The following CAST variants were observed in gnomAD, a reference collection of about 807,000 sequenced individuals.
The protein encoded by CAST is calpastatin.
In CAST, 76 loss-of-function variants were observed where a neutral mutation model predicts 119.6. That is an observed-to-expected ratio of 0.64 (90% CI 0.53 to 0.77). The LOEUF is 0.77. Ranked by LOEUF, CAST falls within the 30% of genes least tolerant of loss-of-function variation. The pLI, the probability that CAST is intolerant of heterozygous loss-of-function variation, is 0.00. For missense variants in CAST, 953 were observed against 946.5 expected (o/e 1.01, Z -0.09); for synonymous variants, 319 against 331.6 (o/e 0.96, Z 0.41).
At chr5:96,689,744 C>T (rs978776273) in intron 2 of CAST, among the ~76,000 whole-genome samples, 3 of 152,062 alleles carry the variant, frequency 2.0e-5, no homozygotes, top group African/African-American at 4.8e-5. Flanking sequence ...AACTAGTATC[C>T]GATACTCATC....
rs1389162563 is a variant in CAST, at chr5:96,765,941, A to G, written c.2038-112A>G. 4.5e-6 allele frequency: 3 copies of G among 662,610 alleles called. No homozygotes were observed. In the African/African-American group the frequency reaches 5.4e-5, roughly 12 times the overall value. The allele number at this position is 662,610 out of a possible 1,614,324, so 41.0% of individuals were successfully genotyped here. A position where few individuals can be genotyped will look rare whatever the true frequency, so the allele number is the denominator to read the frequency against. The stretch of plus-strand genomic sequence containing the variant: ...GTTGCTTAAAAAATAAAAACAGACC[A>G]TATGTTTTGCCTCATGAAAGTACAA... On this transcript the variant is annotated intron_variant, in intron 26 of 31. Transcript: ENST00000675179.
intron 1 of CAST, among the ~76,000 whole-genome samples, chr5:96,553,331 T>A: frequency 6.6e-6 from 1 of 152,224 alleles, no homozygotes; most frequent in East Asian, 1.9e-4. Context: ...TCTCAATAGA[T>A]GCAGAAAAGG....
chr5:96,152,613 A>G, the CAST span, among the ~76,000 whole-genome samples: 4 of 152,202 alleles, frequency 2.6e-5, no homozygotes, highest in African/African-American at 9.7e-5. Context: ...GAGAGAGGAA[A>G]AATGTGCTTC....
intron 1 of CAST, among the ~76,000 whole-genome samples, chr5:96,588,119 A>G (rs9632443): frequency 0.33 from 50,257 of 150,768 alleles, 8,670 homozygotes; most frequent in East Asian, 0.6. Flanking sequence ...TTTTTTTCAT[A>G]AACAAAACTG....
chr5:96,722,119 T>C (rs1758385235), intron 3 of CAST, among the ~76,000 whole-genome samples: 1 of 152,192 alleles, frequency 6.6e-6, no homozygotes, highest in South Asian at 2.1e-4. Context: ...TGCCACACTA[T>C]CTCAAATACG....
chr5:96,760,415 A>G (rs1767525070), intron 24 of CAST, among the ~76,000 whole-genome samples: 1 of 151,954 alleles, frequency 6.6e-6, no homozygotes, highest in Non-Finnish European at 1.5e-5. Context: ...GCAATCCCCT[A>G]ATCTGTTAAA....
chr5:96,415,594 A>G, the CAST span, among the ~76,000 whole-genome samples: 1 of 152,200 alleles, frequency 6.6e-6, no homozygotes, highest in Non-Finnish European at 1.5e-5. Context: ...AAATTTGGCT[A>G]TTTAATATAA....
chr5:96,663,096 G>A (rs1748791666), intron 1 of CAST: 1 of 702,194 alleles, frequency 1.4e-6, no homozygotes, highest in Non-Finnish European at 2.6e-6. Flanking sequence ...CGCCCTCGCC[G>A]GCTCCCCCGC....
chr5:95,979,786 T>C, the CAST span, among the ~76,000 whole-genome samples: 2 of 152,182 alleles, frequency 1.3e-5, no homozygotes, highest in African/African-American at 4.8e-5. Flanking sequence ...CCCATGTTTT[T>C]TCTATATTTA....
chr5:96,509,135 A>G, the CAST span, among the ~76,000 whole-genome samples: 1 of 152,252 alleles, frequency 6.6e-6, no homozygotes, highest in Non-Finnish European at 1.5e-5. Context: ...TCTGTAATTT[A>G]AAGATAAAAT....
the CAST span, among the ~76,000 whole-genome samples, chr5:96,115,738 TG>T: frequency 1.1e-4 from 16 of 152,182 alleles, no homozygotes; most frequent in Non-Finnish European, 2.4e-4. Flanking sequence ...TACAGTTTTC[TG>T]GTGTGTCTTA....
rs150217675 is a variant in CAST at position 96,639,803 on chromosome 5, A to C, written c.61-35736A>C. On this transcript the variant is annotated intron_variant, in intron 1 of 11. Transcript: ENST00000505143. ...CCAGAATTTTGTTTTGTTTTGTTTG[A>C]GTATGCACGGTTTGGGTAGTTCCCT... Among the ~76,000 whole-genome samples the C allele has an allele frequency of 9.2e-3, 1,405 of 152,220 alleles. 21 individuals carry two copies. Among genetic ancestry groups the C allele is most frequent in the African/African-American group, 0.032 (1,343 of 41,536 alleles).
chr5:96,390,495 G>A, the CAST span: 2 of 152,398 alleles, frequency 1.3e-5, no homozygotes, highest in East Asian at 1.9e-4. Flanking sequence ...TCAGCTACAT[G>A]TTGTATTAGG....
At chr5:96,175,865 A>G in the CAST span, among the ~76,000 whole-genome samples, 1 of 152,226 alleles carries the variant, frequency 6.6e-6, no homozygotes, top group Admixed American at 6.5e-5. Context: ...TTCCTATTCC[A>G]GCACTAAGAG....
the CAST span, among the ~76,000 whole-genome samples, chr5:96,496,037 A>G: frequency 3.3e-5 from 5 of 152,174 alleles, no homozygotes; most frequent in Non-Finnish European, 5.9e-5. Flanking sequence ...ATATTTTCAT[A>G]TGTGATAAAA....
chr5:96,309,054 C>T, the CAST span, among the ~76,000 whole-genome samples: 1 of 151,934 alleles, frequency 6.6e-6, no homozygotes, highest in African/African-American at 2.4e-5. Context: ...AAGCTGTGCC[C>T]ACAGCCACCC....
rs182518547 is a variant in CAST, at chr5:96,532,968, T to C, written c.60+3088T>C. The stretch of plus-strand genomic sequence containing the variant: ...TGAGCCTGGAAGGTTGAGGCTGCAG[T>C]GAGCCATGATTGTGCCACTGCACTC... On this transcript the variant is annotated intron_variant, in intron 1 of 11. Coordinates refer to the CAST transcript ENST00000505143. Among the ~76,000 whole-genome samples, 1,212 of 151,562 alleles carry C rather than the reference T, an allele frequency of 8.0e-3. 14 individuals are homozygous for C. The highest frequency in any genetic ancestry group is 0.028 in the African/African-American group (1,151 of 41,250).
chr5:96,422,105 C>A, the CAST span: 1 of 655,988 alleles, frequency 1.5e-6, no homozygotes. Flanking sequence ...CTGGCCGAGT[C>A]ACTGAATATT....
chr5:96,500,619 G>A, the CAST span, among the ~76,000 whole-genome samples: 1 of 152,152 alleles, frequency 6.6e-6, no homozygotes, highest in African/African-American at 2.4e-5. Flanking sequence ...GCTTTTGTGT[G>A]CAATCACCTC....
Sources: allele counts gnomAD v4.1 joint callset (sites outside exome capture counted in the v4.1 genomes callset), GRCh38; gene constraint gnomAD v4.1.1; transcripts MANE v1.5; gene names NCBI Gene and HGNC (gene_info 2026-07-23, HGNC 2026-07-21).